ZNF717: variants seen among roughly 807,000 people sequenced by gnomAD.
The protein encoded by ZNF717 is krueppel-like factor X17.
A neutral mutation model predicts 13.8 loss-of-function variants in ZNF717; 9 were observed. That is an observed-to-expected ratio of 0.65 (90% CI 0.39 to 1.14). The LOEUF is 1.14. ZNF717 is among the 50% of genes most tolerant of loss of function. The probability of loss-of-function intolerance (pLI) is 0.01; values close to 1 mark genes in which losing one functional copy is unlikely to be tolerated. For synonymous variants in ZNF717, 327 were observed against 364.1 expected (o/e 0.90, Z 1.16); for missense variants, 1,040 against 1,080.7 (o/e 0.96, Z 0.53).
downstream of ZNF717, among the ~76,000 whole-genome samples, chr3:75,727,295 C>G (rs144493001): frequency 7.1e-6 from 1 of 140,596 alleles, no homozygotes; most frequent in Admixed American, 7.2e-5. Context: ...AATATGAAAT[C>G]AGTGCACCCT....
intron 2 of ZNF717, among the ~76,000 whole-genome samples, chr3:75,761,487 C>T (rs113555236): frequency 1.5e-3 from 234 of 152,324 alleles, no homozygotes; most frequent in African/African-American, 5.5e-3. Context: ...ACATCTCCTC[C>T]TGCCACTTCT....
At chr3:75,735,076 C>T (rs1248934344), downstream of ZNF717, among the ~76,000 whole-genome samples, 1 of 152,212 alleles carries the variant, frequency 6.6e-6, no homozygotes, top group Non-Finnish European at 1.5e-5. Context: ...CCACCTGTCT[C>T]AGCCTCCCAA....
chr3:75,741,843 A>C, intron 2 of ZNF717, 107 bp from the exon 3 acceptor site: 1 of 1,450,378 alleles, frequency 6.9e-7, no homozygotes, highest in Non-Finnish European at 9.3e-7. Flanking sequence ...GTGCACAGCC[A>C]CATCTTCAAA....
intron 4 of ZNF717, among the ~76,000 whole-genome samples, chr3:75,723,723 G>A (rs1435320390): frequency 6.6e-6 from 1 of 152,194 alleles, no homozygotes; most frequent in Non-Finnish European, 1.5e-5. Context: ...TAACACCAGC[G>A]CCTGGGAAGA....
chr3:75,703,026 T>G (rs111735420), intron 6 of ZNF717, among the ~76,000 whole-genome samples: 1,762 of 149,886 alleles, frequency 0.012, no homozygotes, highest in African/African-American at 0.042. Context: ...AACACTAGTT[T>G]TCTTTTCCAC....
chr3:75,698,154 A>C (rs78971069), intron 6 of ZNF717, among the ~76,000 whole-genome samples: 3 of 58,274 alleles, frequency 5.1e-5, no homozygotes, highest in East Asian at 4.2e-4. Flanking sequence ...CTAGCAAAAA[A>C]AAAAAAAAAA....
chr3:75,734,424 T>TTTTTTTTGTTTTGTTG (rs1553657114), downstream of ZNF717, among the ~76,000 whole-genome samples: 2 of 148,256 alleles, frequency 1.3e-5, no homozygotes, highest in Non-Finnish European at 3.0e-5. Context: ...GTAAAATGGG[T>TTTTTTTTGTTTTGTTG]TTTTTTTGTT....
chr3:75,772,760 C>T (rs111364615), intron 2 of ZNF717, among the ~76,000 whole-genome samples: 259 of 138,658 alleles, frequency 1.9e-3, no homozygotes, highest in African/African-American at 5.6e-3. Context: ...GTGGACAGAA[C>T]GAACCCAGTG....
chr3:75,771,041 C>T (rs62268129), intron 2 of ZNF717, among the ~76,000 whole-genome samples: 14,163 of 152,150 alleles, frequency 0.093, 1,126 homozygotes, highest in African/African-American at 0.2. Flanking sequence ...AGATTTGAGT[C>T]CCTGTGGACA....
chr3:75,778,173 T>C (rs934461786), intron 2 of ZNF717, among the ~76,000 whole-genome samples: 1 of 151,126 alleles, frequency 6.6e-6, no homozygotes, highest in South Asian at 2.1e-4. Flanking sequence ...GGGAGTGACC[T>C]GCTAAACTAG....
intron 2 of ZNF717, among the ~76,000 whole-genome samples, chr3:75,742,760 C>A (rs1474805486): frequency 6.6e-6 from 1 of 152,144 alleles, no homozygotes; most frequent in Non-Finnish European, 1.5e-5. Context: ...ATGCACCTAT[C>A]GTTTTTACAT....
chr3:75,721,986 ACCTGTAATC>A (rs1938176499), intron 4 of ZNF717, among the ~76,000 whole-genome samples: 1 of 151,902 alleles, frequency 6.6e-6, no homozygotes, highest in Non-Finnish European at 1.5e-5. Context: ...GGTGGCTCAC[ACCTGTAATC>A]CCAGCACTTG....
intron 2 of ZNF717, among the ~76,000 whole-genome samples, chr3:75,777,266 C>A (rs62269664): frequency 0.02 from 540 of 26,578 alleles, no homozygotes; most frequent in South Asian, 0.038. Flanking sequence ...ACGTGCTAAA[C>A]CAAAAACCCA....
intron 5 of ZNF717, among the ~76,000 whole-genome samples, chr3:75,713,977 C>A (rs1937997673): frequency 1.3e-5 from 2 of 152,140 alleles, no homozygotes; most frequent in Admixed American, 1.3e-4. Context: ...GAGAGAGAGA[C>A]AGAGAGGAGA....
At chr3:75,718,130 C>CCTCA (rs1349445354) in intron 4 of ZNF717, among the ~76,000 whole-genome samples, 1 of 152,182 alleles carries the variant, frequency 6.6e-6, no homozygotes, top group Non-Finnish European at 1.5e-5. Context: ...CGAACATGGA[C>CCTCA]CTCAGAGTTA....
chr3:75,718,277 G>A (rs1259297030), intron 4 of ZNF717, among the ~76,000 whole-genome samples: 5 of 152,172 alleles, frequency 3.3e-5, no homozygotes, highest in African/African-American at 9.7e-5. Flanking sequence ...CCTTAGGTAA[G>A]AGGGTGCACA....
rs113034232 is a variant in ZNF717 at position 75,736,159 on chromosome 3, C to T, written c.*719G>A. The T allele has an allele frequency of 6.6e-6, 1 of 152,302 alleles. No individual in the cohort carries two copies. The highest frequency in any genetic ancestry group is 2.1e-4 in the South Asian group (1 of 4,830). The allele number at this position is 152,302 out of a possible 1,614,324, so 9.4% of individuals were successfully genotyped here. A position where few individuals can be genotyped will look rare whatever the true frequency, so the allele number is the denominator to read the frequency against. ...GATGGAAAAATGTTGTGTTTGACTG[C>T]TTCATTGACTAGTCATTTCCCTGTC... is the stretch of plus-strand genomic sequence containing the variant. On this transcript the variant is annotated 3_prime_UTR_variant, in exon 5 of 5. Transcript: ENST00000652011.
At chr3:75,707,190 T>C (rs1937823591), downstream of ZNF717, among the ~76,000 whole-genome samples, 1 of 144,574 alleles carries the variant, frequency 6.9e-6, no homozygotes, top group Non-Finnish European at 1.5e-5. Context: ...AGCCTAGTGC[T>C]CCTCACCCTC....
At position 75,737,613 on chromosome 3, in the gene ZNF717, C is replaced by T. The variant is rs1304007890; in HGVS notation, c.2010G>A (p.Thr670=). 252 of 1,543,298 alleles carry T rather than the reference C, an allele frequency of 1.6e-4. No individual in the cohort carries two copies. In the Middle Eastern group the frequency reaches 2.5e-3, roughly 15 times the overall value. ...TCATTACATCCATACGGTTTTTCCC[C>T]GTGTGAGTTCTCTGGTGTATGGTGA... ...SFLTIHQRTH[T]GKNRMDVMNV... is the part of the protein sequence containing the mutation. Residue 670 remains threonine, a synonymous_variant, in exon 5 of 5, where the codon ACG becomes ACA. Transcript: ENST00000652011.
Sources: allele counts gnomAD v4.1 joint callset (sites outside exome capture counted in the v4.1 genomes callset), GRCh38; gene constraint gnomAD v4.1.1; transcripts MANE v1.5; gene names NCBI Gene and HGNC (gene_info 2026-07-23, HGNC 2026-07-21).